WASHC2C: variants seen among roughly 807,000 people sequenced by gnomAD.
WASHC2C encodes Vaccinia Penetration Factor.
WASHC2C carries 73 observed loss-of-function variants against 142.2 expected under a neutral mutation model. The ratio of observed to expected loss-of-function variants is 0.51; its 90% confidence interval spans 0.43 to 0.62. The LOEUF is 0.62. Among genes scored for constraint, WASHC2C ranks in the 20% least tolerant of loss-of-function variants. WASHC2C has a pLI of 0.00. For synonymous variants in WASHC2C, 337 were observed against 565.5 expected (o/e 0.60, Z 5.73); for missense variants, 969 against 1,531.7 (o/e 0.63, Z 6.13).
chr10:45,757,778 A>G (rs1291986527), intron 16 of WASHC2C, among the ~76,000 whole-genome samples: 7 of 152,208 alleles, frequency 4.6e-5, no homozygotes, highest in Admixed American at 3.9e-4. Context: ...ACAGTTCACA[A>G]TAGCGTTTGC....
intron 3 of WASHC2C, among the ~76,000 whole-genome samples, chr10:45,735,170 C>T (rs1348430746): frequency 6.6e-6 from 1 of 151,690 alleles, no homozygotes; most frequent in Non-Finnish European, 1.5e-5. Context: ...TCAGAATTGT[C>T]ATGGTTATCA....
At position 45,751,447 on chromosome 10, in the gene WASHC2C, C is replaced by G. The variant is rs530867481; in HGVS notation, c.932-35C>G. ...CCAGGATGTGTATACTGAGGGAGGACTTAGTACTATTAAAACTGTGAACTG... is the reference window on the plus strand; with the variant it reads ...CCAGGATGTGTATACTGAGGGAGGAGTTAGTACTATTAAAACTGTGAACTG... On this transcript the variant is annotated intron_variant, in intron 10 of 30. Coordinates refer to ENST00000623400, the MANE Select transcript of WASHC2C (RefSeq NM_001330074.2). The G allele has an allele frequency of 6.4e-6, 7 of 1,102,300 alleles. No individual in the cohort carries two copies. In the African/African-American group the frequency reaches 1.0e-4, roughly 16 times the overall value. 68.3% of individuals were successfully genotyped at this position (1,102,300 alleles called of 1,614,324 possible).
chr10:45,761,415 G>A lies in WASHC2C; in HGVS notation c.1636-1973G>A, dbSNP rs556732143. ...TCACAATGGCCCATCCAGGTTTATG[G>A]GGAGAGGCCATAGGCTCCCCTTCTT... On this transcript the variant is annotated intron_variant, in intron 17 of 30. Coordinates refer to ENST00000623400, the MANE Select transcript of WASHC2C (RefSeq NM_001330074.2). Among the ~76,000 whole-genome samples the A allele has an allele frequency of 7.9e-5, 12 of 152,284 alleles. No individual in the cohort carries two copies. In the East Asian group the frequency reaches 1.2e-3, roughly 15 times the overall value.
At position 45,786,527 on chromosome 10, in the gene WASHC2C, C is replaced by T; in HGVS notation, c.2812-85C>T. ...AGCTACAGAAAGTGACAGTTTTGCT[C>T]CATCACAGATTTATTTACAGGCATA... On this transcript the variant is annotated intron_variant, in intron 26 of 30. Transcript: ENST00000623400. 4.4e-6 allele frequency: 6 copies of T among 1,359,512 alleles called. No homozygotes were observed. The East Asian group carries it at 9.2e-5, about 21-fold the overall frequency. 84.2% of individuals were successfully genotyped at this position (1,359,512 alleles called of 1,614,324 possible).
At chr10:45,786,748 C>G in intron 27 of WASHC2C, 74 bp downstream of exon 27, 1 of 1,610,732 alleles carries the variant, frequency 6.2e-7, no homozygotes, top group Non-Finnish European at 8.5e-7. Context: ...CTACTCTTGT[C>G]AGCTGCTGCC....
At chr10:45,732,253 G>A (rs2050698605) in intron 3 of WASHC2C, among the ~76,000 whole-genome samples, 1 of 152,174 alleles carries the variant, frequency 6.6e-6, no homozygotes, top group Non-Finnish European at 1.5e-5. Context: ...CTCAGGGGCA[G>A]CCACAAAGTT....
At chr10:45,736,878 A>T (rs1554864987) in intron 3 of WASHC2C, among the ~76,000 whole-genome samples, 3 of 152,032 alleles carry the variant, frequency 2.0e-5, no homozygotes, top group African/African-American at 7.2e-5. Flanking sequence ...TTTTTACTGT[A>T]CTCAAAGTTT....
rs1193748213 is a variant in WASHC2C at position 45,754,831 on chromosome 10, G to T, written c.1241-105G>T. The stretch of plus-strand genomic sequence containing the variant: ...ATTGGGCCCTGTTATGCATTTTGTG[G>T]ATTAACTGAAATGGAAAGTTTTTGG... On this transcript the variant is annotated intron_variant, in intron 14 of 30. Transcript: ENST00000623400. The T allele has an allele frequency of 3.5e-6, 5 of 1,428,874 alleles. No individual in the cohort carries two copies. In the Admixed American group the frequency reaches 1.0e-4, roughly 29 times the overall value. The allele number at this position is 1,428,874 out of a possible 1,614,324, so 88.5% of individuals were successfully genotyped here. A position where few individuals can be genotyped will look rare whatever the true frequency, so the allele number is the denominator to read the frequency against.
At chr10:45,770,136 G>A (rs1332828609) in intron 20 of WASHC2C, among the ~76,000 whole-genome samples, 4 of 151,440 alleles carry the variant, frequency 2.6e-5, no homozygotes, top group African/African-American at 7.3e-5. Context: ...AGCTACTTGG[G>A]AGGCTGAGGC....
intron 17 of WASHC2C, among the ~76,000 whole-genome samples, chr10:45,760,910 G>A (rs1448484059): frequency 1.3e-5 from 2 of 151,010 alleles, no homozygotes; most frequent in Admixed American, 6.6e-5. Context: ...CTAACACCCC[G>A]TCCTTAATAC....
At chr10:45,743,042 T>G (rs2052332381) in intron 5 of WASHC2C, among the ~76,000 whole-genome samples, 2 of 151,518 alleles carry the variant, frequency 1.3e-5, no homozygotes. Context: ...GTCCCGCTAA[T>G]TTTTTTGGAT....
At position 45,787,181 on chromosome 10, in the gene WASHC2C, G is replaced by C; in HGVS notation, c.3021G>C (p.Gly1007=). 4 of 1,553,648 alleles carry C rather than the reference G, an allele frequency of 2.6e-6. No individual in the cohort carries two copies. Among genetic ancestry groups the C allele is most frequent in the Non-Finnish European group, 3.5e-6 (4 of 1,142,548 alleles). ...TGGAAAGTGTGCCTGTCCTTCCCGG[G>C]AGTGGGGAGGCCGGTGTGAGTTTTG... ...HGLESVPVLP[G]SGEAGVSFDL... is the part of the protein sequence containing the mutation. Residue 1007 remains glycine (G), a synonymous_variant, in exon 28 of 31, where the codon GGG becomes GGC. Transcript: ENST00000623400.
At position 45,784,266 on chromosome 10, in the gene WASHC2C, A is replaced by ATG. The variant is rs1412941680; in HGVS notation, c.2479-298_2479-297insGT. 5.8e-4 allele frequency among the ~76,000 whole-genome samples: 3 copies of ATG among 5,204 alleles called. No homozygotes were observed. The East Asian group carries it at 0.047, about 81-fold the overall frequency. The allele number at this position is 5,204 out of a possible 152,430, so 3.4% of individuals were successfully genotyped here. On this transcript the variant is annotated intron_variant, in intron 23 of 30. Coordinates refer to ENST00000623400, the MANE Select transcript of WASHC2C (RefSeq NM_001330074.2). ...TGTGTGTGTGTGTATATATATATAT[A>ATG]TATATATATATATATATATATATAC... is the stretch of plus-strand genomic sequence containing the variant.
At chr10:45,749,680 G>C (rs2053291021) in intron 8 of WASHC2C, among the ~76,000 whole-genome samples, 1 of 150,778 alleles carries the variant, frequency 6.6e-6, no homozygotes, top group Non-Finnish European at 1.5e-5. Context: ...CAAAAAATTT[G>C]CTGGGCGTAG....
In WASHC2C at chr10:45,728,974, A is replaced by C; in HGVS notation, c.239A>C (p.His80Pro). The C allele has an allele frequency of 6.2e-7, 1 of 1,614,000 alleles. No homozygotes were observed. Among genetic ancestry groups the C allele is most frequent in the East Asian group, 2.2e-5 (1 of 44,884 alleles). ...RETKATDCRL[H>P]NVFNDFLMLS... ...ACCAAAGCCACAGATTGTCGCCTGCATAATGTCTTCAATGACTTCCTTATG... is the reference window on the plus strand; with the variant it reads ...ACCAAAGCCACAGATTGTCGCCTGCCTAATGTCTTCAATGACTTCCTTATG... The change falls in exon 3 of 31, where the codon CAT (histidine) becomes CCT (proline). Residue 80 changes from histidine to proline, a missense_variant. Physicochemically the swap from His to Pro is moderately conservative, Grantham distance 77. Transcript: ENST00000623400.
intron 3 of WASHC2C, among the ~76,000 whole-genome samples, chr10:45,736,716 G>A (rs1220667224): frequency 1.3e-5 from 2 of 152,160 alleles, no homozygotes; most frequent in African/African-American, 4.8e-5. Context: ...CTTAAATTGG[G>A]TATTCCAAGG....
At chr10:45,747,345 T>C (rs1373166737) in intron 8 of WASHC2C, among the ~76,000 whole-genome samples, 41 of 152,148 alleles carry the variant, frequency 2.7e-4, no homozygotes, top group South Asian at 6.2e-4. Context: ...GGTTTCACCA[T>C]GTTGGCCAGG....
chr10:45,792,280 T>C lies in WASHC2C; in HGVS notation c.3906T>C (p.Gly1302=), dbSNP rs1390080206. The C allele has an allele frequency of 6.4e-7, 1 of 1,563,718 alleles. No individual in the cohort carries two copies. The highest frequency in any genetic ancestry group is 8.7e-7 in the Non-Finnish European group (1 of 1,145,892). ...CTAAAGATGACATCTTCTCCACTGG[T>C]ATCCAGGCTAAGACAACCAAACCAA... The part of the protein sequence containing the change: ...DDDMDDIFST[G]IQAKTTKPKS... The change falls in exon 31 of 31, where the codon GGT becomes GGC. Residue 1302 remains glycine, a synonymous_variant. Transcript: ENST00000623400.
chr10:45,766,159 G>A (rs1420928121), intron 19 of WASHC2C, among the ~76,000 whole-genome samples: 7 of 151,948 alleles, frequency 4.6e-5, no homozygotes, highest in South Asian at 2.1e-4. Context: ...GCAAGTTTAC[G>A]TAAGATAAGT....
Sources: allele counts gnomAD v4.1 joint callset (sites outside exome capture counted in the v4.1 genomes callset), GRCh38; gene constraint gnomAD v4.1.1; transcripts MANE v1.5; gene names NCBI Gene and HGNC (gene_info 2026-07-23, HGNC 2026-07-21).